The following QSER1 variants were observed in gnomAD, a reference collection of about 807,000 sequenced individuals.
QSER1 encodes glutamine and serine rich 1.
Under a neutral mutation model 158.5 loss-of-function variants are expected in QSER1, and 49 were observed. That is an observed-to-expected ratio of 0.31 (90% CI 0.25 to 0.39). The LOEUF (loss-of-function observed/expected upper bound fraction) is 0.39. Among genes scored for constraint, QSER1 ranks in the 10% least tolerant of loss-of-function variants. The probability of loss-of-function intolerance (pLI) is 1.00; values close to 1 mark genes in which losing one functional copy is unlikely to be tolerated. For missense variants in QSER1, 1,754 were observed against 2,010.3 expected (o/e 0.87, Z 2.44); for synonymous variants, 650 against 715.5 (o/e 0.91, Z 1.46).
intron 1 of QSER1, among the ~76,000 whole-genome samples, chr11:32,906,215 G>A (rs1851691001): frequency 6.6e-6 from 1 of 151,276 alleles, no homozygotes; most frequent in African/African-American, 2.4e-5. Context: ...TTGAGGTCAG[G>A]TGTTCAAGAC....
Position 32,931,495 on chromosome 11 carries a change from A to G in QSER1, c.485-248A>G, listed in dbSNP as rs997257351. On this transcript the variant is annotated intron_variant, in intron 3 of 12. Coordinates refer to ENST00000650167, the MANE Select transcript of QSER1 (RefSeq NM_001076786.3). ...TGGGACACTGCGGCTGCAGTGAGCTATGATCGCAAGACTGCACTCTAGCCT... is the reference window on the plus strand; with the variant it reads ...TGGGACACTGCGGCTGCAGTGAGCTGTGATCGCAAGACTGCACTCTAGCCT... Among the ~76,000 whole-genome samples, 46 of 152,026 alleles carry G rather than the reference A, an allele frequency of 3.0e-4. 1 individual carries two copies. Among genetic ancestry groups the G allele is most frequent in the African/African-American group, 1.1e-3 (45 of 41,400 alleles).
chr11:32,924,205 GCA>G (rs769169750), intron 1 of QSER1, among the ~76,000 whole-genome samples: 1 of 150,870 alleles, frequency 6.6e-6, no homozygotes, highest in Non-Finnish European at 1.5e-5. Flanking sequence ...GACACCAAAA[GCA>G]CAAACTATAA....
Position 32,931,819 on chromosome 11 carries a change from C to T in QSER1, c.561C>T (p.Leu187=). The T allele has an allele frequency of 6.2e-7, 1 of 1,614,168 alleles. No homozygotes were observed. Among genetic ancestry groups the T allele is most frequent in the Non-Finnish European group, 8.5e-7 (1 of 1,179,994 alleles). Residue 187 remains leucine, a synonymous_variant, in exon 4 of 13, where the codon CTC becomes CTT. Coordinates refer to ENST00000650167, the MANE Select transcript of QSER1 (RefSeq NM_001076786.3). ...GCACTGGAACACTTCCACCATCTCT[C>T]TCTGCTTATCAGCATCCCACCACCT... ...LPSTGTLPPS[L]SAYQHPTTFS...
chr11:32,906,104 G>GTTTTT (rs374193235), intron 1 of QSER1, among the ~76,000 whole-genome samples: 3 of 118,432 alleles, frequency 2.5e-5, no homozygotes, highest in African/African-American at 3.1e-5. Context: ...CTATTTTTTA[G>GTTTTT]TTTTTTTTTT....
chr11:32,955,449 A>T (rs751887802), intron 6 of QSER1, 37 bp downstream of exon 6: 7 of 980,486 alleles, frequency 7.1e-6, no homozygotes, highest in Non-Finnish European at 1.1e-5. Context: ...CCTTATTTTG[A>T]CAGTGGTCCT....
intron 8 of QSER1, among the ~76,000 whole-genome samples, chr11:32,959,636 T>A (rs191038864): frequency 6.6e-6 from 1 of 152,320 alleles, no homozygotes; most frequent in East Asian, 1.9e-4. Context: ...TTGAAGTTGA[T>A]GTCCAGGATG....
chr11:32,909,092 G>A (rs941944258), intron 1 of QSER1, among the ~76,000 whole-genome samples: 9 of 152,164 alleles, frequency 5.9e-5, no homozygotes, highest in African/African-American at 1.9e-4. Flanking sequence ...CCCAGGAGGC[G>A]GAGGTTGAAG....
rs1852331328 is a variant in QSER1 at position 32,946,327 on chromosome 11, T to C, written c.4178-7530T>C. 2.0e-5 allele frequency among the ~76,000 whole-genome samples: 3 copies of C among 152,210 alleles called. No individual in the cohort carries two copies. In the South Asian group the frequency reaches 6.2e-4, roughly 32 times the overall value. Reference sequence around the variant, plus strand: ...GGAGAGACGCTCTGATTTTTAGAGTTTCCAGTTTTTCTGTTCTGCTTTTTC... The same window carrying C: ...GGAGAGACGCTCTGATTTTTAGAGTCTCCAGTTTTTCTGTTCTGCTTTTTC... On this transcript the variant is annotated intron_variant, in intron 4 of 12. Coordinates refer to ENST00000650167, the MANE Select transcript of QSER1 (RefSeq NM_001076786.3).
intron 4 of QSER1, among the ~76,000 whole-genome samples, chr11:32,938,658 G>C (rs1321421924): frequency 6.6e-6 from 1 of 152,132 alleles, no homozygotes; most frequent in East Asian, 1.9e-4. Flanking sequence ...AGCATATGAA[G>C]ATGTCTTTAG....
At chr11:32,937,122 T>G (rs531922342) in intron 4 of QSER1, among the ~76,000 whole-genome samples, 32 of 152,294 alleles carry the variant, frequency 2.1e-4, no homozygotes, top group African/African-American at 7.0e-4. Context: ...TCCAGAGATA[T>G]GTTATCTCAT....
chr11:32,909,134 G>A (rs919178323), intron 1 of QSER1, among the ~76,000 whole-genome samples: 8 of 152,054 alleles, frequency 5.3e-5, no homozygotes, highest in African/African-American at 1.7e-4. Context: ...CACTCCAGCC[G>A]GGCAACAGGG....
Position 32,933,011 on chromosome 11 carries a change from C to T in QSER1, c.1753C>T (p.Leu585Phe), listed in dbSNP as rs956834982. The change falls in exon 4 of 13, where the codon CTT (leucine) becomes TTT (phenylalanine). Residue 585 changes from leucine to phenylalanine, a missense_variant. Around this residue, in one of 2 missense-constraint regions of QSER1, gnomAD observed 1,707 missense variants for 1,919.6 expected, o/e 0.89. Coordinates refer to ENST00000650167, the MANE Select transcript of QSER1 (RefSeq NM_001076786.3). The stretch of plus-strand genomic sequence containing the variant: ...ATCACAAGTTTTGTCAGTTGTTAGT[C>T]TTTCAGAAAGCTATGCTTCAGGGGA... The part of the protein sequence containing the change: ...SQSQVLSVVS[L>F]SESYASGESL... 6.2e-7 allele frequency: 1 copy of T among 1,612,240 alleles called. No individual in the cohort carries two copies. The highest frequency in any genetic ancestry group is 8.5e-7 in the Non-Finnish European group (1 of 1,179,998).
At chr11:32,931,680 C>T in intron 3 of QSER1, 63 bp from the exon 4 acceptor site, 1 of 1,307,500 alleles carries the variant, frequency 7.6e-7, no homozygotes, top group Non-Finnish European at 1.1e-6. Context: ...TAAGTCATTA[C>T]TATGAAAACA....
chr11:32,925,770 C>T (rs1216109939), intron 1 of QSER1, among the ~76,000 whole-genome samples: 1 of 151,790 alleles, frequency 6.6e-6, no homozygotes, highest in East Asian at 2.0e-4. Context: ...TCAAGTGATC[C>T]GCCTGCCTCA....
intron 1 of QSER1, among the ~76,000 whole-genome samples, chr11:32,905,996 A>G (rs536876313): frequency 6.6e-6 from 1 of 152,230 alleles, no homozygotes; most frequent in South Asian, 2.1e-4. Context: ...TCTAAAATTC[A>G]TTATAATTTC....
At chr11:32,914,282 G>GCT (rs1851806591) in intron 1 of QSER1, among the ~76,000 whole-genome samples, 1 of 152,164 alleles carries the variant, frequency 6.6e-6, no homozygotes, top group African/African-American at 2.4e-5. Context: ...TATGTACTTT[G>GCT]CTCAAAGTCT....
At chr11:32,906,104 GTTTTTTTTTTTT>G (rs374193235) in intron 1 of QSER1, among the ~76,000 whole-genome samples, 2 of 118,442 alleles carry the variant, frequency 1.7e-5, no homozygotes, top group African/African-American at 6.2e-5. Context: ...CTATTTTTTA[GTTTTTTTTTTTT>G]TTTTTTTTAA....
chr11:32,967,145 C>A (rs191736865), intron 9 of QSER1, among the ~76,000 whole-genome samples: 54 of 152,206 alleles, frequency 3.5e-4, no homozygotes, highest in African/African-American at 1.2e-3. Flanking sequence ...TACTATTCAG[C>A]CATAAAAAAG....
chr11:32,927,427 A>G (rs1801206233), intron 2 of QSER1, among the ~76,000 whole-genome samples, 158 bp downstream of exon 2: 1 of 152,160 alleles, frequency 6.6e-6, no homozygotes, highest in African/African-American at 2.4e-5. Context: ...TTTATTTTTG[A>G]CATGGAGTCT....
Sources: gnomAD v4.1 joint callset for allele counts (sites outside exome capture counted in the v4.1 genomes callset) on GRCh38, gnomAD v4.1.1 for gene constraint, gnomAD v4.1.1 regional missense constraint, MANE v1.5 for transcripts, NCBI Gene and HGNC (gene_info 2026-07-23, HGNC 2026-07-21) for gene names.